Variants in HDAC4 observed in about 807,000 individuals in gnomAD.
The protein encoded by HDAC4 is histone deacetylase 4, also known as histone deacetylase A.
Under a neutral mutation model 135.1 loss-of-function variants are expected in HDAC4, and 16 were observed. The observed-to-expected ratio is 0.12, with a 90% CI of 0.08 to 0.18. HDAC4 has a LOEUF of 0.18. Ranked by LOEUF, HDAC4 falls within the 10% of genes least tolerant of loss-of-function variation. The pLI, the probability that HDAC4 is intolerant of heterozygous loss-of-function variation, is 1.00. For synonymous variants in HDAC4, 685 were observed against 653.4 expected (o/e 1.05, Z -0.74); for missense variants, 1,143 against 1,511.8 (o/e 0.76, Z 4.05).
At chr2:239,088,075 G>A (rs1162690752) in intron 18 of HDAC4, among the ~76,000 whole-genome samples, 1 of 152,218 alleles carries the variant, frequency 6.6e-6, no homozygotes, top group East Asian at 1.9e-4. Flanking sequence ...TGGCCTTCAC[G>A]TGACTGCCTC....
intron 2 of HDAC4, among the ~76,000 whole-genome samples, chr2:239,345,137 C>G (rs1222658642): frequency 6.6e-6 from 1 of 152,184 alleles, no homozygotes; most frequent in Non-Finnish European, 1.5e-5. Context: ...CTCCCGCCAC[C>G]TTGTTTCTGA....
chr2:239,240,252 T>C lies in HDAC4; in HGVS notation c.23-3588A>G, dbSNP rs766899148. 6.6e-6 allele frequency among the ~76,000 whole-genome samples: 1 copy of C among 152,132 alleles called. No individual in the cohort carries two copies. The highest frequency in any genetic ancestry group is 1.5e-5 in the Non-Finnish European group (1 of 68,028). On this transcript the variant is annotated intron_variant, in intron 2 of 26. Transcript: ENST00000543185. The surrounding 1 kb of genome is among the most constrained non-coding windows in gnomAD (Gnocchi z 4.5). Reference sequence around the variant, plus strand: ...ACGGACCTAAACAAAGCGTGGCCAGTGGGGCAAAGAACGTCTGTCACCAGG... The same window carrying C: ...ACGGACCTAAACAAAGCGTGGCCAGCGGGGCAAAGAACGTCTGTCACCAGG...
chr2:239,087,437 A>C, intron 19 of HDAC4, 122 bp downstream of exon 19: 1 of 955,162 alleles, frequency 1.0e-6, no homozygotes, highest in Non-Finnish European at 1.6e-6. Flanking sequence ...CATGCGGCAC[A>C]TCCTGGGTGG....
intron 11 of HDAC4, among the ~76,000 whole-genome samples, chr2:239,128,970 A>G (rs182677865): frequency 6.6e-6 from 1 of 152,324 alleles, no homozygotes. Context: ...CATCCTCCGC[A>G]TGGGCCCAGG....
In HDAC4 at chr2:239,313,278, C is replaced by T. The variant is rs931996381; in HGVS notation, c.22+39400G>A. Among the ~76,000 whole-genome samples, 17 of 152,204 alleles carry T rather than the reference C, an allele frequency of 1.1e-4. No homozygotes were observed. Among genetic ancestry groups the T allele is most frequent in the Non-Finnish European group, 1.6e-4 (11 of 68,030 alleles). On this transcript the variant is annotated intron_variant, in intron 2 of 26. Transcript: ENST00000543185. This position sits in a 1 kb window ranked among gnomAD's most constrained non-coding sequence, Gnocchi z 5.1. Reference sequence around the variant, plus strand: ...CTCTTAATGGAAAGCAACAAAAGTACTTAACAAAATGCGCTGATGTAAATG... The same window carrying T: ...CTCTTAATGGAAAGCAACAAAAGTATTTAACAAAATGCGCTGATGTAAATG...
At position 239,162,379 on chromosome 2, in the gene HDAC4, C is replaced by T. The variant is rs1025396554; in HGVS notation, c.611+1424G>A. The T allele has an allele frequency of 6.6e-6, 3 of 454,256 alleles. No individual in the cohort carries two copies. The East Asian group carries it at 2.1e-4, about 32-fold the overall frequency. The allele number at this position is 454,256 out of a possible 1,614,324, so 28.1% of individuals were successfully genotyped here. A position where few individuals can be genotyped will look rare whatever the true frequency, so the allele number is the denominator to read the frequency against. On this transcript the variant is annotated intron_variant, in intron 6 of 26. Transcript: ENST00000543185. ...TCATCCTGCCCTTTCCAGCTTGGGC[C>T]CCAGGGGCACCATCTGAACCACGAT...
At chr2:239,359,412 T>C (rs1192250379) in intron 1 of HDAC4, among the ~76,000 whole-genome samples, 2 of 152,228 alleles carry the variant, frequency 1.3e-5, no homozygotes, top group Non-Finnish European at 2.9e-5. Flanking sequence ...GTGGCCAGAA[T>C]CCGGCTGTGT....
At chr2:239,173,025 A>G (rs2043551229) in intron 5 of HDAC4, among the ~76,000 whole-genome samples, 1 of 152,218 alleles carries the variant, frequency 6.6e-6, no homozygotes, top group Non-Finnish European at 1.5e-5. Flanking sequence ...CCTTTGCACA[A>G]ATGAAATCTT....
At chr2:239,071,426 A>G (rs1198582433) in intron 22 of HDAC4, among the ~76,000 whole-genome samples, 1 of 152,192 alleles carries the variant, frequency 6.6e-6, no homozygotes, top group Non-Finnish European at 1.5e-5. Flanking sequence ...AGAAAACAAA[A>G]AAAGACTCTC....
At chr2:239,174,337 C>G (rs2043624381) in intron 5 of HDAC4, among the ~76,000 whole-genome samples, 1 of 152,106 alleles carries the variant, frequency 6.6e-6, no homozygotes, top group Non-Finnish European at 1.5e-5. Flanking sequence ...AAAGGGAGAC[C>G]TCGCATCAGA....
chr2:239,089,887 G>A (rs1012215478), intron 18 of HDAC4, 122 bp downstream of exon 18: 51 of 764,052 alleles, frequency 6.7e-5, no homozygotes, highest in Non-Finnish European at 1.1e-4. Flanking sequence ...TGGGGTCCAC[G>A]CCTCCCCATC....
At chr2:239,151,932 G>A (rs183647451) in intron 7 of HDAC4, among the ~76,000 whole-genome samples, 1 of 152,278 alleles carries the variant, frequency 6.6e-6, no homozygotes, top group East Asian at 1.9e-4. Context: ...GGTTTTCAGT[G>A]CTCAGGCCCA....
chr2:239,196,351 C>A (rs1015869029), intron 3 of HDAC4, among the ~76,000 whole-genome samples: 2 of 152,204 alleles, frequency 1.3e-5, no homozygotes, highest in South Asian at 2.1e-4. Flanking sequence ...CAAACGTCAC[C>A]CTCTGCGTCC....
Position 239,375,310 on chromosome 2 carries a change from G to A in HDAC4, c.-219-22392C>T, listed in dbSNP as rs1419646891. ...GCTGTCCTGCAGGCCTGCGGACTCC[G>A]CCCACCCACCCTCCCATCCACGCAT... On this transcript the variant is annotated intron_variant, in intron 1 of 26. Transcript: ENST00000543185. 4.7e-5 allele frequency among the ~76,000 whole-genome samples: 7 copies of A among 148,268 alleles called. No homozygotes were observed. The East Asian group carries it at 6.0e-4, about 13-fold the overall frequency.
chr2:239,228,266 A>C (rs291338), intron 3 of HDAC4, among the ~76,000 whole-genome samples: 3 of 152,256 alleles, frequency 2.0e-5, no homozygotes, highest in Admixed American at 6.5e-5. Flanking sequence ...CCATGTGGCC[A>C]AAGGGAGACA....
At chr2:239,083,967 G>T (rs556731422) in intron 20 of HDAC4, among the ~76,000 whole-genome samples, 188 bp downstream of exon 20, 1 of 152,230 alleles carries the variant, frequency 6.6e-6, no homozygotes, top group Non-Finnish European at 1.5e-5. Context: ...CGCCAGGGTC[G>T]GCTGACGGAA....
At chr2:239,343,797 G>A (rs1315696472) in intron 2 of HDAC4, among the ~76,000 whole-genome samples, 2 of 152,346 alleles carry the variant, frequency 1.3e-5, no homozygotes, top group East Asian at 3.9e-4. Context: ...CTTGAGGGAA[G>A]GTGACCGATT....
rs573726495 is a variant in HDAC4, at chr2:239,061,745, CA to C, written c.3003+4976del. ...AGCTGTTTCACAACCACACCTTTCA[CA>C]AAGCATCAGGACATAACTAATAAGC... On this transcript the variant is annotated intron_variant, in intron 24 of 26. Coordinates refer to ENST00000543185, the MANE Select transcript of HDAC4 (RefSeq NM_001378414.1). 1.3e-4 allele frequency among the ~76,000 whole-genome samples: 20 copies of C among 152,332 alleles called. No homozygotes were observed. In the East Asian group the frequency reaches 3.9e-3, roughly 29 times the overall value.
intron 3 of HDAC4, among the ~76,000 whole-genome samples, chr2:239,205,071 C>T (rs182888913): frequency 1.2e-3 from 179 of 152,332 alleles, no homozygotes; most frequent in Non-Finnish European, 2.2e-3. Context: ...CTCATCCTTC[C>T]GGCCTGGTCT....
Sources: gnomAD v4.1 joint callset for allele counts (sites outside exome capture counted in the v4.1 genomes callset) on GRCh38, gnomAD v4.1.1 for gene constraint, Gnocchi (gnomAD v3.1) non-coding constraint, MANE v1.5 for transcripts, NCBI Gene and HGNC (gene_info 2026-07-23, HGNC 2026-07-21) for gene names.